Variants in STXBP4 observed in about 807,000 individuals in gnomAD.
The protein encoded by STXBP4 is syntaxin-binding protein 4.
STXBP4 carries 55 observed loss-of-function variants against 76.1 expected under a neutral mutation model. The observed-to-expected ratio is 0.72, with a 90% CI of 0.58 to 0.91. The LOEUF (loss-of-function observed/expected upper bound fraction) is 0.91. STXBP4 is among the 40% of genes least tolerant of loss of function. The pLI is 0.00. For missense variants in STXBP4, 618 were observed against 636.9 expected (o/e 0.97, Z 0.32); for synonymous variants, 201 against 220.2 (o/e 0.91, Z 0.77).
chr17:54,997,780 G>T (rs1384172561), intron 4 of STXBP4, among the ~76,000 whole-genome samples: 1 of 144,924 alleles, frequency 6.9e-6, no homozygotes. Context: ...GAAAGATGGG[G>T]TCTAACTATG....
chr17:55,018,764 G>C (rs1488818019), intron 8 of STXBP4, among the ~76,000 whole-genome samples: 2 of 152,168 alleles, frequency 1.3e-5, no homozygotes, highest in Non-Finnish European at 2.9e-5. Context: ...GAATTACAAA[G>C]AAACTTCTTA....
the STXBP4 span, among the ~76,000 whole-genome samples, chr17:55,209,208 G>A: frequency 6.6e-6 from 1 of 152,260 alleles, no homozygotes; most frequent in Non-Finnish European, 1.5e-5. Flanking sequence ...TTCCACTTTT[G>A]ACGGACAGAT....
chr17:55,188,666 C>A, the STXBP4 span, among the ~76,000 whole-genome samples: 2 of 152,158 alleles, frequency 1.3e-5, no homozygotes, highest in Non-Finnish European at 2.9e-5. Context: ...TTTAAAGGAT[C>A]CCACAAAGAA....
chr17:55,077,083 A>G (rs576308314), intron 13 of STXBP4, among the ~76,000 whole-genome samples: 6 of 152,224 alleles, frequency 3.9e-5, no homozygotes, highest in African/African-American at 1.4e-4. Flanking sequence ...ATTGCCTTAT[A>G]TTTTGTATCT....
chr17:55,048,980 G>T (rs900398311), intron 12 of STXBP4, among the ~76,000 whole-genome samples: 11 of 151,828 alleles, frequency 7.2e-5, no homozygotes, highest in African/African-American at 2.2e-4. Context: ...AGACTTTAGA[G>T]GAAAATAAAT....
chr17:54,978,093 G>A (rs1401845713), intron 1 of STXBP4, among the ~76,000 whole-genome samples: 2 of 152,138 alleles, frequency 1.3e-5, no homozygotes, highest in Non-Finnish European at 2.9e-5. Flanking sequence ...CTTAGAGGTG[G>A]ACGTATATTT....
intron 16 of STXBP4, among the ~76,000 whole-genome samples, chr17:55,096,178 A>G (rs1426409013): frequency 1.3e-5 from 2 of 151,938 alleles, no homozygotes; most frequent in South Asian, 2.1e-4. Context: ...GTGTTTTTAG[A>G]CAAGGTTCAT....
intron 16 of STXBP4, among the ~76,000 whole-genome samples, chr17:55,085,967 A>C (rs1261862530): frequency 1.3e-5 from 2 of 152,328 alleles, no homozygotes; most frequent in Admixed American, 6.5e-5. Flanking sequence ...GTAAGTTCAG[A>C]ATTTTATATA....
At chr17:55,057,484 A>G (rs2078941542) in intron 12 of STXBP4, among the ~76,000 whole-genome samples, 1 of 152,242 alleles carries the variant, frequency 6.6e-6, no homozygotes, top group African/African-American at 2.4e-5. Flanking sequence ...GGAATAAAAC[A>G]ATAAAGCAGC....
Position 55,050,300 on chromosome 17 carries a change from T to C in STXBP4, c.1011+3146T>C, listed in dbSNP as rs894174996. On this transcript the variant is annotated intron_variant, in intron 12 of 17. Transcript: ENST00000376352. ...GAGAAACCAAAATTATATAGAAAAA[T>C]AGGCAAAAGACCTGAACAGATAATT... Among the ~76,000 whole-genome samples, 3 of 151,914 alleles carry C rather than the reference T, an allele frequency of 2.0e-5. No homozygotes were observed. In the South Asian group the frequency reaches 6.2e-4, roughly 32 times the overall value.
At position 55,053,931 on chromosome 17, in the gene STXBP4, A is replaced by G. The variant is rs371196372; in HGVS notation, c.1011+6777A>G. On this transcript the variant is annotated intron_variant, in intron 12 of 17. Transcript: ENST00000376352. ...AACTTTAGAATATCAGCCATGATTGATAAAATAATAATTGTATTAAAGGCT... is the reference window on the plus strand; with the variant it reads ...AACTTTAGAATATCAGCCATGATTGGTAAAATAATAATTGTATTAAAGGCT... Among the ~76,000 whole-genome samples, 221 of 152,276 alleles carry G rather than the reference A, an allele frequency of 1.5e-3. 7 individuals are homozygous for G. In the South Asian group the frequency reaches 0.045, roughly 31 times the overall value.
At position 55,034,186 on chromosome 17, in the gene STXBP4, G is replaced by T; in HGVS notation, c.782G>T (p.Arg261Ile). 1 of 1,612,526 alleles carries T rather than the reference G, an allele frequency of 6.2e-7. No homozygotes were observed. Among genetic ancestry groups the T allele is most frequent in the East Asian group, 2.2e-5 (1 of 44,776 alleles). Residue 261 changes from arginine (R) to isoleucine (I), a missense_variant, in exon 10 of 18, where the codon AGA becomes ATA. By Grantham distance (97) the Arg-to-Ile change is moderately conservative (BLOSUM62 -3). Coordinates refer to ENST00000376352, the MANE Select transcript of STXBP4 (RefSeq NM_178509.6). Reference protein sequence around the residue: ...VSFGDFVQVARNLFCLQLDEV... With the variant: ...VSFGDFVQVAINLFCLQLDEV... ...ATTTTAGATTTTGTCCAGGTTGCCA[G>T]AAACTTGTTTTGCTTGCAGTTGGAT...
the STXBP4 span, among the ~76,000 whole-genome samples, chr17:55,193,542 G>C: frequency 1.3e-5 from 2 of 152,082 alleles, no homozygotes; most frequent in African/African-American, 2.4e-5. Context: ...ATGATGGCTT[G>C]AGCTAGGCAG....
intron 16 of STXBP4, among the ~76,000 whole-genome samples, chr17:55,096,254 C>T (rs1301665434): frequency 2.0e-5 from 3 of 152,126 alleles, no homozygotes; most frequent in Non-Finnish European, 2.9e-5. Flanking sequence ...CTCCCTGGCT[C>T]AGGTGATCCT....
chr17:55,058,484 T>C (rs1341735511), intron 12 of STXBP4, among the ~76,000 whole-genome samples: 1 of 152,216 alleles, frequency 6.6e-6, no homozygotes, highest in African/African-American at 2.4e-5. Context: ...CCTGAAACTT[T>C]TTTGACAGAT....
chr17:55,206,981 A>G, the STXBP4 span, among the ~76,000 whole-genome samples: 7 of 151,894 alleles, frequency 4.6e-5, no homozygotes, highest in Non-Finnish European at 1.0e-4. Context: ...CTTCATGGAA[A>G]CCTTTATGGG....
At chr17:55,123,939 ACT>A (rs1290130015) in intron 16 of STXBP4, among the ~76,000 whole-genome samples, 4 of 151,442 alleles carry the variant, frequency 2.6e-5, no homozygotes, top group African/African-American at 9.7e-5. Context: ...ATGACTTGAA[ACT>A]CTAATGCATA....
At chr17:54,993,567 C>T (rs1455657613) in intron 4 of STXBP4, among the ~76,000 whole-genome samples, 4 of 152,124 alleles carry the variant, frequency 2.6e-5, no homozygotes, top group Admixed American at 6.5e-5. Flanking sequence ...TATGCATATT[C>T]TTCAAATACA....
the STXBP4 span, among the ~76,000 whole-genome samples, chr17:55,192,489 A>ACC: frequency 2.0e-5 from 3 of 152,158 alleles, no homozygotes; most frequent in East Asian, 5.8e-4. Context: ...TTCACCCTAA[A>ACC]CACACACACG....
Sources: gnomAD v4.1 joint callset for allele counts (sites outside exome capture counted in the v4.1 genomes callset) on GRCh38, gnomAD v4.1.1 for gene constraint, MANE v1.5 for transcripts, NCBI Gene and HGNC (gene_info 2026-07-23, HGNC 2026-07-21) for gene names.